Variants in FRMPD4 observed in about 807,000 individuals in gnomAD.
The protein encoded by FRMPD4 is FERM and PDZ domain containing 4, also known as FERM and PDZ domain-containing protein 4.
FRMPD4 carries 22 observed loss-of-function variants against 94.1 expected under a neutral mutation model. The observed-to-expected ratio is 0.23, with a 90% CI of 0.17 to 0.33. The LOEUF (loss-of-function observed/expected upper bound fraction) is 0.33. FRMPD4 is among the 10% of genes least tolerant of loss of function. FRMPD4 has a pLI of 1.00. For synonymous variants in FRMPD4, 631 were observed against 548.6 expected (o/e 1.15, Z -2.10); for missense variants, 1,111 against 1,339.9 (o/e 0.83, Z 2.67).
chrX:12,512,452 G>A (rs950097007), intron 2 of FRMPD4, among the ~76,000 whole-genome samples: 5 of 112,316 alleles, frequency 4.5e-5, no homozygotes, highest in African/African-American at 1.6e-4. Flanking sequence ...AGCTCCTGCT[G>A]GTAAGTGAGA....
intron 2 of FRMPD4, among the ~76,000 whole-genome samples, chrX:12,586,634 G>A (rs1349078086): frequency 8.9e-6 from 1 of 112,134 alleles, no homozygotes; most frequent in African/African-American, 3.2e-5. Context: ...CTACAGCAAC[G>A]ATTCTCCTGC....
chrX:12,569,854 G>A (rs1186578447), intron 2 of FRMPD4, among the ~76,000 whole-genome samples: 1 of 111,913 alleles, frequency 8.9e-6, no homozygotes, highest in African/African-American at 3.2e-5. Flanking sequence ...ACTTGGTATA[G>A]CATTAGTGTG....
chrX:12,706,746 AC>A, intron 11 of FRMPD4, 79 bp from the exon 12 acceptor site: 2 of 504,307 alleles, frequency 4.0e-6, no homozygotes, highest in Non-Finnish European at 6.8e-6. Flanking sequence ...TCTATCTTAC[AC>A]TTGTTTTCTG....
At chrX:12,494,692 G>T (rs2057827400) in intron 1 of FRMPD4, among the ~76,000 whole-genome samples, 1 of 111,583 alleles carries the variant, frequency 9.0e-6, no homozygotes, top group Admixed American at 9.5e-5. Context: ...GGAAACCATG[G>T]GTTGCTTCCA....
chrX:12,140,370 T>C (rs1046585550), intron 1 of FRMPD4, among the ~76,000 whole-genome samples: 26 of 112,477 alleles, frequency 2.3e-4, no homozygotes, highest in Admixed American at 1.7e-3. Flanking sequence ...CAGTGGATGA[T>C]TGTGGTGTGG....
At chrX:12,186,391 TATTTA>T (rs760480791) in intron 1 of FRMPD4, among the ~76,000 whole-genome samples, 111 of 111,917 alleles carry the variant, frequency 9.9e-4, no homozygotes, top group African/African-American at 3.5e-3. Context: ...AATAAATAAT[TATTTA>T]ATTGCTTTTT....
At position 12,723,727 on chromosome X, in the gene FRMPD4, C is replaced by T. The variant is rs41297293; in HGVS notation, c.*1869C>T. The T allele has an allele frequency of 4.5e-5, 5 of 111,119 alleles. No individual in the cohort carries two copies. The highest frequency in any genetic ancestry group is 9.4e-5 in the Non-Finnish European group (5 of 53,019). The allele number at this position is 111,119 out of a possible 1,213,427, so 9.2% of individuals were successfully genotyped here. Reference sequence around the variant, plus strand: ...TATCTCATTTAATCATCACAACAATCTGCTGGTTTGGACACTATTCTCTCT... The same window carrying T: ...TATCTCATTTAATCATCACAACAATTTGCTGGTTTGGACACTATTCTCTCT... On this transcript the variant is annotated 3_prime_UTR_variant, in exon 17 of 17. Coordinates refer to ENST00000675598, the MANE Select transcript of FRMPD4 (RefSeq NM_001368397.1).
At chrX:12,426,528 A>C (rs1490544634) in intron 1 of FRMPD4, among the ~76,000 whole-genome samples, 1 of 111,797 alleles carries the variant, frequency 8.9e-6, no homozygotes, top group Non-Finnish European at 1.9e-5. Flanking sequence ...CTTGTTTTGC[A>C]TAAGGCCTTG....
chrX:12,066,009 TA>T (rs1208920236), intron 3 of FRMPD4, among the ~76,000 whole-genome samples: 2 of 112,213 alleles, frequency 1.8e-5, no homozygotes, highest in African/African-American at 6.5e-5. Context: ...GCTATTGGGT[TA>T]AATATGAGAA....
In FRMPD4 at chrX:12,722,323, T is replaced by C. The variant is rs1347239898; in HGVS notation, c.*465T>C. The C allele has an allele frequency of 3.6e-5, 4 of 112,330 alleles. No homozygotes were observed. The highest frequency in any genetic ancestry group is 1.9e-4 in the Admixed American group (2 of 10,628). The allele number at this position is 112,330 out of a possible 1,213,427, so 9.3% of individuals were successfully genotyped here. A position where few individuals can be genotyped will look rare whatever the true frequency, so the allele number is the denominator to read the frequency against. On this transcript the variant is annotated 3_prime_UTR_variant, in exon 17 of 17. Transcript: ENST00000675598. ...GTTTTAAAATTATGATTTTTAAGCA[T>C]TGGAAATAGCAAAAAGACATTTAAA...
chrX:12,133,966 C>T (rs977807295), upstream of FRMPD4, among the ~76,000 whole-genome samples: 1 of 112,287 alleles, frequency 8.9e-6, no homozygotes, highest in Non-Finnish European at 1.9e-5. Context: ...CCTGCAAATT[C>T]GCTCACTCTC....
At chrX:11,986,608 C>T (rs1240250821) in intron 3 of FRMPD4, among the ~76,000 whole-genome samples, 1 of 110,430 alleles carries the variant, frequency 9.1e-6, no homozygotes, top group Admixed American at 9.6e-5. Context: ...ATGAAGAAAA[C>T]GATATAAAAG....
chrX:12,289,682 T>C (rs2054655571), intron 1 of FRMPD4, among the ~76,000 whole-genome samples: 1 of 111,593 alleles, frequency 9.0e-6, no homozygotes, highest in East Asian at 2.8e-4. Flanking sequence ...GGGCTGTTTC[T>C]GACCCGGCCC....
chrX:12,423,355 A>G (rs1043597439), intron 1 of FRMPD4, among the ~76,000 whole-genome samples: 1 of 112,120 alleles, frequency 8.9e-6, no homozygotes, highest in Non-Finnish European at 1.9e-5. Flanking sequence ...GTAATCAAAC[A>G]TTGTTCAAAA....
At chrX:11,917,512 T>C (rs1001306192) in intron 3 of FRMPD4, among the ~76,000 whole-genome samples, 19 of 112,063 alleles carry the variant, frequency 1.7e-4, no homozygotes, top group African/African-American at 6.2e-4. Flanking sequence ...AATGGTGGAC[T>C]GGACAAAGAA....
At chrX:12,492,530 G>A (rs1185911116) in intron 1 of FRMPD4, among the ~76,000 whole-genome samples, 1 of 112,135 alleles carries the variant, frequency 8.9e-6, no homozygotes, top group Non-Finnish European at 1.9e-5. Flanking sequence ...ATTTCTTCTT[G>A]ATTAAAATCA....
At chrX:12,642,946 G>A (rs988951899) in intron 4 of FRMPD4, among the ~76,000 whole-genome samples, 1 of 111,335 alleles carries the variant, frequency 9.0e-6, no homozygotes, top group South Asian at 3.8e-4. Flanking sequence ...CATTACCTGT[G>A]GCTGCTTTTG....
intron 3 of FRMPD4, among the ~76,000 whole-genome samples, chrX:12,072,102 C>A (rs982288809): frequency 9.9e-5 from 11 of 111,394 alleles, no homozygotes; most frequent in Non-Finnish European, 5.6e-5. Flanking sequence ...GGGATCCTCT[C>A]ATCTCAGCCC....
intron 3 of FRMPD4, among the ~76,000 whole-genome samples, chrX:12,092,280 T>C (rs1158542783): frequency 8.9e-6 from 1 of 111,952 alleles, no homozygotes; most frequent in East Asian, 2.8e-4. Flanking sequence ...ATATTTAAGT[T>C]TTATTTGTAA....
Sources: gnomAD v4.1 joint callset for allele counts (sites outside exome capture counted in the v4.1 genomes callset) on GRCh38, gnomAD v4.1.1 for gene constraint, MANE v1.5 for transcripts, NCBI Gene and HGNC (gene_info 2026-07-23, HGNC 2026-07-21) for gene names.